Variants in FRMD4A observed in about 807,000 individuals in gnomAD.
The protein encoded by FRMD4A is FERM domain-containing protein 4A.
In FRMD4A, 29 loss-of-function variants were observed where a neutral mutation model predicts 129.1. That is an observed-to-expected ratio of 0.22 (90% CI 0.17 to 0.31). The LOEUF is 0.31. Among genes scored for constraint, FRMD4A ranks in the 10% least tolerant of loss-of-function variants. The pLI is 1.00. For missense variants in FRMD4A, 1,272 were observed against 1,375.8 expected, an observed-to-expected ratio of 0.92 and a Z score of 1.19; for synonymous variants, 634 against 571.6, an observed-to-expected ratio of 1.11 and a Z score of -1.56.
At chr10:13,827,786 T>C (rs903959499) in intron 3 of FRMD4A, among the ~76,000 whole-genome samples, 1 of 151,942 alleles carries the variant, frequency 6.6e-6, no homozygotes, top group African/African-American at 2.4e-5. Context: ...CCCCAGGAGA[T>C]TGGAGGGTGA....
intron 2 of FRMD4A, among the ~76,000 whole-genome samples, chr10:14,284,816 C>T (rs529615062): frequency 2.6e-5 from 4 of 152,296 alleles, no homozygotes; most frequent in Admixed American, 6.5e-5. Context: ...AGTCCTCATT[C>T]GTGTCTTCCC....
chr10:13,959,193 C>T (rs2095429978), intron 2 of FRMD4A, among the ~76,000 whole-genome samples: 1 of 151,968 alleles, frequency 6.6e-6, no homozygotes, highest in Non-Finnish European at 1.5e-5. Flanking sequence ...TGTGAGTGGG[C>T]TAGGTGCGGA....
chr10:13,736,817 C>CG (rs1177895766), intron 12 of FRMD4A, among the ~76,000 whole-genome samples: 1 of 152,188 alleles, frequency 6.6e-6, no homozygotes, highest in African/African-American at 2.4e-5. Context: ...TATTCTCCAC[C>CG]GGGGGATCTG....
At chr10:13,799,022 A>G (rs2093190561) in intron 4 of FRMD4A, among the ~76,000 whole-genome samples, 1 of 152,066 alleles carries the variant, frequency 6.6e-6, no homozygotes, top group African/African-American at 2.4e-5. Flanking sequence ...AAGTCTTCCC[A>G]CACCACACAC....
intron 2 of FRMD4A, among the ~76,000 whole-genome samples, chr10:13,869,253 T>C (rs375046054): frequency 1.3e-5 from 2 of 152,160 alleles, no homozygotes; most frequent in East Asian, 1.9e-4. Context: ...GGGCCTAAAG[T>C]GTAGACGATG....
chr10:14,307,047 G>A (rs949062106), intron 2 of FRMD4A, among the ~76,000 whole-genome samples: 1 of 152,184 alleles, frequency 6.6e-6, no homozygotes, highest in Non-Finnish European at 1.5e-5. Flanking sequence ...CAACTACATT[G>A]ATGACAGGCA....
intron 16 of FRMD4A, 21 bp downstream of exon 16, chr10:13,674,890 G>T: frequency 6.2e-7 from 1 of 1,612,802 alleles, no homozygotes; most frequent in Non-Finnish European, 8.5e-7. Context: ...ATTTCAACGG[G>T]ATGAGCTAGG....
At chr10:13,916,101 C>G (rs1319294513) in intron 2 of FRMD4A, among the ~76,000 whole-genome samples, 1 of 152,234 alleles carries the variant, frequency 6.6e-6, no homozygotes, top group Non-Finnish European at 1.5e-5. Flanking sequence ...CAAAATCTCT[C>G]AAGATGGAAG....
chr10:13,946,894 G>A (rs934073049), intron 2 of FRMD4A, among the ~76,000 whole-genome samples: 4 of 152,096 alleles, frequency 2.6e-5, no homozygotes, highest in Non-Finnish European at 4.4e-5. Context: ...TTGACCTCGG[G>A]GAGCTTATGG....
chr10:14,114,975 T>A (rs557246416), intron 2 of FRMD4A, among the ~76,000 whole-genome samples: 2 of 152,178 alleles, frequency 1.3e-5, no homozygotes, highest in African/African-American at 4.8e-5. Flanking sequence ...GGAGAAAGAA[T>A]GGGATAGAAA....
chr10:13,812,016 G>A (rs2130878476), intron 3 of FRMD4A, among the ~76,000 whole-genome samples: 1 of 151,702 alleles, frequency 6.6e-6, no homozygotes, highest in African/African-American at 2.4e-5. Context: ...CCGAGTAGCT[G>A]GGACTACAGG....
intron 2 of FRMD4A, among the ~76,000 whole-genome samples, chr10:14,156,579 G>A (rs571677090): frequency 6.6e-6 from 1 of 152,112 alleles, no homozygotes; most frequent in East Asian, 1.9e-4. Context: ...AATGAGGGAA[G>A]GTACATGGAG....
chr10:13,874,322 G>C (rs1170662310), intron 2 of FRMD4A, among the ~76,000 whole-genome samples: 1 of 150,796 alleles, frequency 6.6e-6, no homozygotes, highest in Non-Finnish European at 1.5e-5. Context: ...TCAATCAAGA[G>C]GGAAATGAAA....
At chr10:14,155,962 C>T in intron 2 of FRMD4A, among the ~76,000 whole-genome samples, 1 of 152,074 alleles carries the variant, frequency 6.6e-6, no homozygotes, top group Middle Eastern at 3.2e-3. Flanking sequence ...TTAATGGTCA[C>T]CATCTTTGGA....
intron 23 of FRMD4A, 146 bp downstream of exon 23, chr10:13,654,270 T>C: frequency 1.5e-6 from 1 of 678,418 alleles, no homozygotes; most frequent in Admixed American, 2.1e-5. Context: ...TGACAGCAGA[T>C]CATGGGGCTT....
At position 14,076,594 on chromosome 10, in the gene FRMD4A, C is replaced by G. The variant is rs550295391; in HGVS notation, c.46-217682G>C. Among the ~76,000 whole-genome samples, 6 of 151,790 alleles carry G rather than the reference C, an allele frequency of 4.0e-5. No individual in the cohort carries two copies. The East Asian group carries it at 1.2e-3, about 29-fold the overall frequency. On this transcript the variant is annotated intron_variant, in intron 2 of 24. Coordinates refer to ENST00000357447, the MANE Select transcript of FRMD4A (RefSeq NM_018027.5). ...GGCAGAGCTTGCAGTGAGCTGAGATCACGCCACTGCACTCCAGCCTGGGCG... is the reference window on the plus strand; with the variant it reads ...GGCAGAGCTTGCAGTGAGCTGAGATGACGCCACTGCACTCCAGCCTGGGCG...
chr10:13,669,029 A>G (rs1460340249), intron 17 of FRMD4A, among the ~76,000 whole-genome samples: 1 of 150,130 alleles, frequency 6.7e-6, no homozygotes, highest in African/African-American at 2.5e-5. Context: ...TCCATTTTAC[A>G]GACCAGGAAC....
chr10:14,044,447 G>A lies in FRMD4A; in HGVS notation c.46-185535C>T, dbSNP rs550538215. Among the ~76,000 whole-genome samples the A allele has an allele frequency of 3.3e-5, 5 of 152,322 alleles. No individual in the cohort carries two copies. In the South Asian group the frequency reaches 8.3e-4, roughly 25 times the overall value. ...CTTTGTACATGTCAAGTTAACATGA[G>A]ATCATCCTGGATTAGGGTGGGCCCT... On this transcript the variant is annotated intron_variant, in intron 2 of 24. Coordinates refer to ENST00000357447, the MANE Select transcript of FRMD4A (RefSeq NM_018027.5).
At chr10:13,690,784 C>T (rs534103414) in intron 15 of FRMD4A, among the ~76,000 whole-genome samples, 1 of 152,272 alleles carries the variant, frequency 6.6e-6, no homozygotes, top group Non-Finnish European at 1.5e-5. Flanking sequence ...CAGCCTGGGG[C>T]CCCAGCGCTG....
Sources: gnomAD v4.1 joint callset for allele counts (sites outside exome capture counted in the v4.1 genomes callset) on GRCh38, gnomAD v4.1.1 for gene constraint, MANE v1.5 for transcripts, NCBI Gene and HGNC (gene_info 2026-07-23, HGNC 2026-07-21) for gene names.